The following PTRH1 variants were observed in gnomAD, a reference collection of about 807,000 sequenced individuals.
PTRH1 encodes the protein peptidyl-tRNA hydrolase.
A neutral mutation model predicts 15.7 loss-of-function variants in PTRH1; 13 were observed. The observed-to-expected ratio is 0.83, with a 90% confidence interval of 0.54 to 1.31. The LOEUF (loss-of-function observed/expected upper bound fraction) is 1.31, where lower values mean the gene tolerates loss of function less well. PTRH1 is among the 40% of genes most tolerant of loss of function. The pLI is 0.00. For synonymous variants in PTRH1, 139 were observed against 136.7 expected (o/e 1.02, Z -0.12); for missense variants, 319 against 296.2 (o/e 1.08, Z -0.56).
downstream of PTRH1, chr9:127,712,642 A>T (rs757842547): frequency 6.2e-7 from 1 of 1,612,852 alleles, no homozygotes; most frequent in Non-Finnish European, 8.5e-7. Flanking sequence ...CTGAGGTTGG[A>T]ATTTCCTGGA....
At chr9:127,707,429 G>C (rs986107224) in intron 1 of PTRH1, among the ~76,000 whole-genome samples, 21 of 152,150 alleles carry the variant, frequency 1.4e-4, no homozygotes, top group Non-Finnish European at 2.9e-4. Flanking sequence ...GGCCCACGAT[G>C]CTAGCTCGTG....
downstream of PTRH1, chr9:127,710,738 G>C (rs779859762): frequency 1.3e-6 from 2 of 1,567,218 alleles, no homozygotes; most frequent in Non-Finnish European, 1.7e-6. Flanking sequence ...GAAGAAGTCG[G>C]TGCTGGACAA....
downstream of PTRH1, chr9:127,712,806 T>C (rs1842798510): frequency 6.2e-7 from 1 of 1,614,176 alleles, no homozygotes; most frequent in African/African-American, 1.3e-5. Context: ...AGCTCCACTG[T>C]GGCCACGAGA....
chr9:127,715,444 A>C lies in PTRH1; in HGVS notation c.96+100T>G. 1 of 1,536,374 alleles carries C rather than the reference A, an allele frequency of 6.5e-7. No homozygotes were observed. The stretch of plus-strand genomic sequence containing the variant: ...CGAGCACTGAACTCACCAGTTAAGA[A>C]AACAGAGCAGCAATTTGGGGGCACT... On this transcript the variant is annotated intron_variant, in intron 1 of 4. Coordinates refer to ENST00000543175, the MANE Select transcript of PTRH1 (RefSeq NM_001002913.3). The surrounding 1 kb of genome is among the most constrained non-coding windows in gnomAD (Gnocchi z 5.8).
intron 2 of PTRH1, among the ~76,000 whole-genome samples, chr9:127,694,530 TG>T (rs1049946920): frequency 3.3e-5 from 5 of 152,126 alleles, no homozygotes; most frequent in African/African-American, 1.2e-4. Context: ...GCCAAAGCCC[TG>T]GTCCTCCTGT....
chr9:127,712,782 T>C, downstream of PTRH1: 2 of 1,614,172 alleles, frequency 1.2e-6, no homozygotes, highest in African/African-American at 2.7e-5. Context: ...CTGCAGCAAC[T>C]GCTGGTCATG....
downstream of PTRH1, chr9:127,713,009 C>T (rs1195378491): frequency 2.5e-6 from 4 of 1,611,498 alleles, no homozygotes; most frequent in South Asian, 2.2e-5. Context: ...CCCTCGGCCC[C>T]CTCCCCACAG....
chr9:127,712,578 G>A (rs565072042), downstream of PTRH1: 1,017 of 1,562,488 alleles, frequency 6.5e-4, no homozygotes, highest in Non-Finnish European at 8.4e-4. Flanking sequence ...CAGTCTTCCC[G>A]ACTGAAGAAT....
intron 1 of PTRH1, among the ~76,000 whole-genome samples, chr9:127,708,316 A>G (rs1451642283): frequency 6.6e-6 from 1 of 152,074 alleles, no homozygotes; most frequent in Non-Finnish European, 1.5e-5. Context: ...GTCTCTACTA[A>G]AAATACAAAA....
rs767082086 is a variant in PTRH1 at position 127,703,672 on chromosome 9, C to A, written c.206-8531G>T. ...AAGCAAAAACCCACGTGCCACGGCA[C>A]CCAAACTGGGGGAGGGACCTACTTT... On this transcript the variant is annotated intron_variant, in intron 1 of 2. Transcript: ENST00000335223. Among the ~76,000 whole-genome samples the A allele has an allele frequency of 3.3e-5, 5 of 152,200 alleles. No homozygotes were observed. The South Asian group carries it at 1.0e-3, about 32-fold the overall frequency.
At chr9:127,710,768 G>GC (rs1429787728), downstream of PTRH1, 1 of 1,557,342 alleles carries the variant, frequency 6.4e-7, no homozygotes, top group South Asian at 1.2e-5. Context: ...GGCAAGCGGG[G>GC]CACCCTTTGG....
chr9:127,697,434 C>T (rs1266293092), intron 1 of PTRH1, among the ~76,000 whole-genome samples: 5 of 151,960 alleles, frequency 3.3e-5, no homozygotes, highest in African/African-American at 7.3e-5. Flanking sequence ...CCGAGGTGGG[C>T]GGATCGCCTG....
At chr9:127,707,577 C>T (rs1468871725) in intron 1 of PTRH1, among the ~76,000 whole-genome samples, 4 of 152,172 alleles carry the variant, frequency 2.6e-5, no homozygotes, top group Non-Finnish European at 5.9e-5. Flanking sequence ...GGCAGTGGCA[C>T]CTGTGCCCCA....
chr9:127,697,064 TC>T (rs763852500), intron 1 of PTRH1, among the ~76,000 whole-genome samples: 1 of 152,174 alleles, frequency 6.6e-6, no homozygotes, highest in Non-Finnish European at 1.5e-5. Context: ...ACCTGCCTGG[TC>T]CCCTGTGCAT....
chr9:127,698,116 G>A (rs1395552388), intron 1 of PTRH1, among the ~76,000 whole-genome samples: 1 of 152,140 alleles, frequency 6.6e-6, no homozygotes, highest in Non-Finnish European at 1.5e-5. Flanking sequence ...AAAATGGGCA[G>A]AAGTTTGGTG....
downstream of PTRH1, chr9:127,711,131 T>G: frequency 6.9e-7 from 1 of 1,453,208 alleles, no homozygotes; most frequent in Non-Finnish European, 9.3e-7. Context: ...CATGCTGGTG[T>G]TTAACAGCCC....
chr9:127,706,921 G>GTCCCTT, intron 1 of PTRH1: 1 of 1,321,504 alleles, frequency 7.6e-7, no homozygotes, highest in Admixed American at 2.1e-5. Flanking sequence ...AGAGGGCAGG[G>GTCCCTT]TCCCTTTAAG....
chr9:127,695,652 C>T (rs1842553539), intron 1 of PTRH1: 1 of 152,566 alleles, frequency 6.6e-6, no homozygotes, highest in Admixed American at 6.5e-5. Context: ...ATACAAAGGG[C>T]TGTAGAAGCT....
chr9:127,707,146 G>A (rs1179330956), intron 1 of PTRH1: 1 of 1,613,030 alleles, frequency 6.2e-7, no homozygotes, highest in Admixed American at 1.7e-5. Context: ...GGAGATGAAG[G>A]AGTTCTACCA....
Sources: gnomAD v4.1 joint callset for allele counts (sites outside exome capture counted in the v4.1 genomes callset) on GRCh38, gnomAD v4.1.1 for gene constraint, Gnocchi (gnomAD v3.1) non-coding constraint, MANE v1.5 for transcripts, NCBI Gene and HGNC (gene_info 2026-07-23, HGNC 2026-07-21) for gene names.